ADGRL2: variants seen among roughly 807,000 people sequenced by gnomAD.
ADGRL2 encodes the protein calcium-independent alpha-latrotoxin receptor 2.
Under a neutral mutation model 157.4 loss-of-function variants are expected in ADGRL2, and 44 were observed. That is an observed-to-expected ratio of 0.28 (90% CI 0.22 to 0.36). The LOEUF is 0.36. Among genes scored for constraint, ADGRL2 ranks in the 10% least tolerant of loss-of-function variants. The pLI, the probability that ADGRL2 is intolerant of heterozygous loss-of-function variation, is 1.00. For synonymous variants in ADGRL2, 585 were observed against 624.7 expected, an observed-to-expected ratio of 0.94 and a Z score of 0.95; for missense variants, 1,510 against 1,768.9, an observed-to-expected ratio of 0.85 and a Z score of 2.63.
At chr1:81,788,741 A>T (rs1170628790) in intron 2 of ADGRL2, among the ~76,000 whole-genome samples, 1 of 150,918 alleles carries the variant, frequency 6.6e-6, no homozygotes, top group Non-Finnish European at 1.5e-5. Context: ...TTTGAGATGG[A>T]GTCTTACTCT....
intron 2 of ADGRL2, among the ~76,000 whole-genome samples, chr1:81,519,474 T>C (rs760184209): frequency 5.9e-5 from 9 of 152,130 alleles, no homozygotes; most frequent in Admixed American, 1.3e-4. Flanking sequence ...AAAAAAATAG[T>C]TGTATAACAA....
intron 3 of ADGRL2, among the ~76,000 whole-genome samples, chr1:81,683,704 A>G (rs899981970): frequency 6.6e-6 from 1 of 152,042 alleles, no homozygotes; most frequent in South Asian, 2.1e-4. Flanking sequence ...TATATATCAC[A>G]GTTTCTTTAT....
At chr1:81,619,731 ATGTGTGTGTG>A (rs34153343) in intron 3 of ADGRL2, among the ~76,000 whole-genome samples, 1 of 149,446 alleles carries the variant, frequency 6.7e-6, no homozygotes, top group Non-Finnish European at 1.5e-5. Flanking sequence ...GGGTGTGTGT[ATGTGTGTGTG>A]TGTGTGTGTG....
At chr1:81,851,766 G>GTGTGTGTGTGTA (rs1397547394) in intron 2 of ADGRL2, among the ~76,000 whole-genome samples, 1 of 149,984 alleles carries the variant, frequency 6.7e-6, no homozygotes, top group Non-Finnish European at 1.5e-5. Context: ...GTGTGTGTAT[G>GTGTGTGTGTGTA]TGTATGTATT....
intron 17 of ADGRL2, among the ~76,000 whole-genome samples, chr1:81,976,130 G>A (rs1397659931): frequency 1.3e-5 from 2 of 151,880 alleles, no homozygotes; most frequent in Non-Finnish European, 2.9e-5. Flanking sequence ...AACATAAATT[G>A]TTGAGCATCA....
upstream of ADGRL2, among the ~76,000 whole-genome samples, chr1:81,698,604 C>G (rs1347522961): frequency 1.3e-5 from 2 of 152,082 alleles, no homozygotes; most frequent in Admixed American, 1.3e-4. Context: ...AAAAATAGCA[C>G]AGTTTGCTTG....
intron 2 of ADGRL2, among the ~76,000 whole-genome samples, chr1:81,563,081 T>G (rs146435052): frequency 2.0e-5 from 3 of 152,284 alleles, no homozygotes; most frequent in African/African-American, 7.2e-5. Context: ...TCTATAAACA[T>G]TTCTCAATAT....
chr1:81,640,397 G>A (rs1314678070), intron 3 of ADGRL2, among the ~76,000 whole-genome samples: 1 of 152,002 alleles, frequency 6.6e-6, no homozygotes, highest in Non-Finnish European at 1.5e-5. Context: ...CACTTTGAGA[G>A]GCCGAGGAAG....
chr1:81,492,689 A>T (rs2078658417), intron 2 of ADGRL2, among the ~76,000 whole-genome samples: 1 of 152,190 alleles, frequency 6.6e-6, no homozygotes, highest in African/African-American at 2.4e-5. Context: ...CATCTTCAAA[A>T]TTGGATATAA....
At chr1:81,500,945 G>A (rs944570752) in intron 2 of ADGRL2, among the ~76,000 whole-genome samples, 6 of 152,168 alleles carry the variant, frequency 3.9e-5, no homozygotes, top group African/African-American at 9.6e-5. Flanking sequence ...TCAAAAGAGA[G>A]CTAATATAAA....
At chr1:81,863,372 T>C (rs1199470054) in intron 2 of ADGRL2, among the ~76,000 whole-genome samples, 2 of 152,196 alleles carry the variant, frequency 1.3e-5, no homozygotes, top group Non-Finnish European at 2.9e-5. Context: ...TCCTAAATAC[T>C]GCATAATATT....
At chr1:81,439,281 C>T (rs10430056) in intron 1 of ADGRL2, among the ~76,000 whole-genome samples, 3,599 of 152,240 alleles carry the variant, frequency 0.024, 72 homozygotes, top group African/African-American at 0.042. Context: ...ACTCATTCTA[C>T]CCAAGAGGTA....
chr1:81,898,675 A>G (rs2094436740), intron 2 of ADGRL2, among the ~76,000 whole-genome samples: 1 of 152,156 alleles, frequency 6.6e-6, no homozygotes. Context: ...GGCTCCATGA[A>G]TATGCAGAGA....
intron 1 of ADGRL2, among the ~76,000 whole-genome samples, chr1:81,704,215 C>T (rs1255704454): frequency 6.6e-6 from 1 of 152,218 alleles, no homozygotes; most frequent in East Asian, 1.9e-4. Context: ...AATCTAATAC[C>T]TGTGCATTAC....
chr1:81,694,445 G>C (rs2083403044), intron 3 of ADGRL2, among the ~76,000 whole-genome samples: 1 of 151,330 alleles, frequency 6.6e-6, no homozygotes, highest in African/African-American at 2.4e-5. Context: ...CTGGTACATA[G>C]TAATAAAAAA....
chr1:81,695,518 G>T (rs2083424609), upstream of ADGRL2, among the ~76,000 whole-genome samples: 1 of 152,066 alleles, frequency 6.6e-6, no homozygotes, highest in South Asian at 2.1e-4. Flanking sequence ...AGGCAGCTAT[G>T]TTTTGAGAAT....
chr1:81,725,720 A>AT (rs1044669694), intron 1 of ADGRL2, among the ~76,000 whole-genome samples: 5 of 152,350 alleles, frequency 3.3e-5, no homozygotes, highest in African/African-American at 1.2e-4. Flanking sequence ...AAATATCACC[A>AT]TAAGTGGGTA....
chr1:81,976,645 C>G (rs1185853158), intron 17 of ADGRL2, among the ~76,000 whole-genome samples: 2 of 151,824 alleles, frequency 1.3e-5, no homozygotes, highest in African/African-American at 4.8e-5. Flanking sequence ...GATTTATGAG[C>G]TTATGTGATA....
At chr1:81,690,748 A>T (rs1211206542) in intron 3 of ADGRL2, among the ~76,000 whole-genome samples, 1 of 152,128 alleles carries the variant, frequency 6.6e-6, no homozygotes, top group Non-Finnish European at 1.5e-5. Context: ...AGGCAAACCT[A>T]CACTTTTCCT....
Sources: allele counts gnomAD v4.1 joint callset (sites outside exome capture counted in the v4.1 genomes callset), GRCh38; gene constraint gnomAD v4.1.1; transcripts MANE v1.5; gene names NCBI Gene and HGNC (gene_info 2026-07-23, HGNC 2026-07-21).